The following GALNT17 variants were observed in gnomAD, a reference collection of about 807,000 sequenced individuals.
GALNT17 encodes UDP-GalNAc:polypeptide N-acetylgalactosaminyltransferase-like 3.
In GALNT17, 29 loss-of-function variants were observed where a neutral mutation model predicts 63.7. That is an observed-to-expected ratio of 0.46 (90% CI 0.34 to 0.62). The LOEUF (loss-of-function observed/expected upper bound fraction) is 0.62, where lower values mean the gene tolerates loss of function less well. GALNT17 is among the 20% of genes least tolerant of loss of function. The pLI, the probability that GALNT17 is intolerant of heterozygous loss-of-function variation, is 0.01. For synonymous variants in GALNT17, 305 were observed against 318.3 expected, an observed-to-expected ratio of 0.96 and a Z score of 0.45; for missense variants, 603 against 799.6, an observed-to-expected ratio of 0.75 and a Z score of 2.97.
intron 1 of GALNT17, among the ~76,000 whole-genome samples, chr7:71,165,432 G>A (rs924648250): frequency 6.6e-6 from 1 of 152,074 alleles, no homozygotes; most frequent in African/African-American, 2.4e-5. Flanking sequence ...AAACATGGCA[G>A]AAGGTGAAAG....
At chr7:71,505,638 A>G (rs1283206339) in intron 5 of GALNT17, among the ~76,000 whole-genome samples, 1 of 152,112 alleles carries the variant, frequency 6.6e-6, no homozygotes, top group African/African-American at 2.4e-5. Flanking sequence ...CCTCCTCGGC[A>G]TTCCTGAAGA....
At chr7:71,635,512 T>C (rs1790516523) in intron 6 of GALNT17, among the ~76,000 whole-genome samples, 1 of 152,168 alleles carries the variant, frequency 6.6e-6, no homozygotes, top group South Asian at 2.1e-4. Flanking sequence ...GTTTACACAT[T>C]ATATTTGTAT....
At chr7:71,707,518 C>T (rs1465836959) in intron 9 of GALNT17, among the ~76,000 whole-genome samples, 2 of 152,162 alleles carry the variant, frequency 1.3e-5, no homozygotes, top group Non-Finnish European at 2.9e-5. Flanking sequence ...TAACAACTAC[C>T]CCAAAACGTA....
intron 1 of GALNT17, among the ~76,000 whole-genome samples, chr7:71,226,926 G>A (rs929440090): frequency 5.9e-5 from 9 of 152,002 alleles, no homozygotes; most frequent in African/African-American, 1.2e-4. Context: ...ATGACAGTCC[G>A]TCCCCCCTCT....
At chr7:71,246,188 C>T (rs1424467236) in intron 1 of GALNT17, among the ~76,000 whole-genome samples, 1 of 130,732 alleles carries the variant, frequency 7.6e-6, no homozygotes, top group Non-Finnish European at 1.5e-5. Flanking sequence ...ATGGCGCGAT[C>T]TCTGCTCACT....
intron 1 of GALNT17, among the ~76,000 whole-genome samples, chr7:71,289,527 G>A (rs1790938624): frequency 1.3e-5 from 2 of 152,020 alleles, no homozygotes; most frequent in African/African-American, 4.8e-5. Flanking sequence ...CTTGAGGTCA[G>A]GAGTTTGAGA....
At chr7:71,262,589 A>T (rs972772729) in intron 1 of GALNT17, among the ~76,000 whole-genome samples, 8 of 152,084 alleles carry the variant, frequency 5.3e-5, no homozygotes, top group Admixed American at 5.2e-4. Flanking sequence ...AAAAGATCTT[A>T]AAGATCTTAA....
At chr7:71,458,649 A>G (rs1787396827) in intron 5 of GALNT17, among the ~76,000 whole-genome samples, 3 of 151,968 alleles carry the variant, frequency 2.0e-5, no homozygotes, top group Admixed American at 1.3e-4. Context: ...GGTTTTACTG[A>G]GTGTTGGAGG....
chr7:71,361,786 CAGAG>C (rs150967255), intron 2 of GALNT17, among the ~76,000 whole-genome samples: 74 of 149,098 alleles, frequency 5.0e-4, no homozygotes, highest in South Asian at 2.3e-3. Flanking sequence ...CAAATGAACT[CAGAG>C]AGAGAGAGAG....
intron 1 of GALNT17, among the ~76,000 whole-genome samples, chr7:71,210,377 T>C (rs1242546355): frequency 6.6e-6 from 1 of 152,146 alleles, no homozygotes; most frequent in Non-Finnish European, 1.5e-5. Context: ...GCTCAGGTGA[T>C]TCTCCTGCCT....
chr7:71,273,520 T>C (rs922754139), intron 1 of GALNT17, among the ~76,000 whole-genome samples: 2 of 152,228 alleles, frequency 1.3e-5, no homozygotes, highest in African/African-American at 4.8e-5. Flanking sequence ...GTTCTTGCTA[T>C]CTCCCTTTTC....
chr7:71,573,564 G>C (rs1183986073), intron 6 of GALNT17, among the ~76,000 whole-genome samples: 2 of 150,496 alleles, frequency 1.3e-5, no homozygotes, highest in African/African-American at 4.9e-5. Context: ...TCAATCTCCT[G>C]ACCTTGTGAT....
chr7:71,608,719 G>A (rs1790081869), intron 6 of GALNT17, among the ~76,000 whole-genome samples: 1 of 152,008 alleles, frequency 6.6e-6, no homozygotes, highest in Non-Finnish European at 1.5e-5. Context: ...TGAGTAGTGA[G>A]GGCTTGAAGA....
At position 71,377,114 on chromosome 7, in the gene GALNT17, A is replaced by ATATATATATATATATATAT. The variant is rs1554362120; in HGVS notation, c.423-11121_423-11120insTATATATATATATATATAT. On this transcript the variant is annotated intron_variant, in intron 2 of 10. Coordinates refer to ENST00000333538, the MANE Select transcript of GALNT17 (RefSeq NM_022479.3). ...AAAAAAAAAAAATAAAAATAAAAAA[A>ATATATATATATATATATAT]ATATATATATATATATATATATATA... Among the ~76,000 whole-genome samples the ATATATATATATATATATAT allele has an allele frequency of 3.1e-4, 18 of 57,460 alleles. 1 individual carries two copies. Among genetic ancestry groups the ATATATATATATATATATAT allele is most frequent in the Non-Finnish European group, 4.2e-4 (14 of 33,270 alleles). 37.7% of individuals were successfully genotyped at this position (57,460 alleles called of 152,430 possible).
intron 1 of GALNT17, among the ~76,000 whole-genome samples, chr7:71,227,037 A>G (rs1789692301): frequency 6.6e-6 from 1 of 151,716 alleles, no homozygotes; most frequent in Admixed American, 6.6e-5. Flanking sequence ...TGAAATCTGC[A>G]TTTAAAGCAT....
intron 1 of GALNT17, among the ~76,000 whole-genome samples, chr7:71,232,752 A>G (rs996369541): frequency 6.6e-6 from 1 of 152,114 alleles, no homozygotes; most frequent in Non-Finnish European, 1.5e-5. Flanking sequence ...ACTTTTAATT[A>G]CACGCAAATT....
chr7:71,256,773 C>A (rs545139993), intron 1 of GALNT17, among the ~76,000 whole-genome samples: 1 of 152,106 alleles, frequency 6.6e-6, no homozygotes, highest in African/African-American at 2.4e-5. Flanking sequence ...AATATGGGGC[C>A]GCTCTTTTTG....
chr7:71,548,526 G>T (rs1050504896), intron 5 of GALNT17, among the ~76,000 whole-genome samples: 2 of 152,158 alleles, frequency 1.3e-5, no homozygotes, highest in African/African-American at 4.8e-5. Context: ...CTCCCATGCT[G>T]TTCTCTTGAT....
chr7:71,414,401 T>A (rs1334924910), intron 3 of GALNT17, among the ~76,000 whole-genome samples: 2 of 152,242 alleles, frequency 1.3e-5, no homozygotes, highest in Non-Finnish European at 2.9e-5. Context: ...GCTTTCTATA[T>A]AGCTTTTCCT....
Sources: allele counts gnomAD v4.1 joint callset (sites outside exome capture counted in the v4.1 genomes callset), GRCh38; gene constraint gnomAD v4.1.1; transcripts MANE v1.5; gene names NCBI Gene and HGNC (gene_info 2026-07-23, HGNC 2026-07-21).